The following IQSEC1 variants were observed in gnomAD, a reference collection of about 807,000 sequenced individuals.
IQSEC1 encodes IQ motif and Sec7 domain ArfGEF 1.
Under a neutral mutation model 91.0 loss-of-function variants are expected in IQSEC1, and 31 were observed. The ratio of observed to expected loss-of-function variants is 0.34; its 90% CI spans 0.26 to 0.46. The LOEUF (loss-of-function observed/expected upper bound fraction) is 0.46, where lower values mean the gene tolerates loss of function less well. Among genes scored for constraint, IQSEC1 ranks in the 20% least tolerant of loss-of-function variants. IQSEC1 has a pLI of 1.00. For missense variants in IQSEC1, 1,388 were observed against 1,575.6 expected, an observed-to-expected ratio of 0.88 and a Z score of 2.02; for synonymous variants, 699 against 662.6, an observed-to-expected ratio of 1.05 and a Z score of -0.84.
intron 2 of IQSEC1, among the ~76,000 whole-genome samples, chr3:13,127,657 G>C (rs1044441537): frequency 3.9e-5 from 6 of 152,048 alleles, no homozygotes; most frequent in African/African-American, 1.2e-4. Flanking sequence ...TGTATGTCTA[G>C]AGAGACAAAA....
intron 1 of IQSEC1, among the ~76,000 whole-genome samples, chr3:12,976,948 GA>G (rs35716136): frequency 0.85 from 129,895 of 152,058 alleles, 55,532 homozygotes; most frequent in East Asian, 0.99. Context: ...GGAAGGGCTG[GA>G]AAAATGGTTT....
At chr3:12,962,896 G>A (rs1326782683) in intron 1 of IQSEC1, among the ~76,000 whole-genome samples, 1 of 152,218 alleles carries the variant, frequency 6.6e-6, no homozygotes, top group Non-Finnish European at 1.5e-5. Context: ...GAACATGTTG[G>A]GAATCCTGAT....
intron 1 of IQSEC1, among the ~76,000 whole-genome samples, chr3:12,951,535 G>A (rs1699545467): frequency 6.6e-6 from 1 of 152,218 alleles, no homozygotes; most frequent in African/African-American, 2.4e-5. Context: ...AGGGGAGGCT[G>A]TTCTAGTGCC....
intron 2 of IQSEC1, among the ~76,000 whole-genome samples, chr3:13,128,027 T>C (rs1317977993): frequency 1.3e-5 from 2 of 152,254 alleles, no homozygotes; most frequent in Non-Finnish European, 2.9e-5. Flanking sequence ...TCCTGCTATT[T>C]TGCTGAATTC....
chr3:12,903,968 A>G (rs773386047), intron 12 of IQSEC1, among the ~76,000 whole-genome samples: 1 of 152,168 alleles, frequency 6.6e-6, no homozygotes, highest in Non-Finnish European at 1.5e-5. Flanking sequence ...CTAAGGCTGG[A>G]TAACTTGGCC....
chr3:13,082,360 G>A (rs756485534), intron 2 of IQSEC1, among the ~76,000 whole-genome samples: 18 of 152,248 alleles, frequency 1.2e-4, no homozygotes, highest in Non-Finnish European at 1.8e-4. Context: ...GGGCAGTTAA[G>A]CTTCTTCTGC....
intron 1 of IQSEC1, among the ~76,000 whole-genome samples, chr3:13,233,352 A>T (rs1304572899): frequency 6.6e-6 from 1 of 152,158 alleles, no homozygotes; most frequent in Non-Finnish European, 1.5e-5. Flanking sequence ...CTCCATCCTG[A>T]GGGGTCTGCA....
rs143424335 is a variant in IQSEC1, at chr3:13,207,990, A to T, written c.273-43857T>A. On this transcript the variant is annotated intron_variant, in intron 1 of 15. Coordinates refer to the IQSEC1 transcript ENST00000648114. This position sits in a 1 kb window ranked among gnomAD's most constrained non-coding sequence, Gnocchi z 4.8. ...TCAACAAATGCATCTTGAATGAACG[A>T]ATAAATCACTGTATGTTTCTATCAC... is the stretch of plus-strand genomic sequence containing the variant. Among the ~76,000 whole-genome samples the T allele has an allele frequency of 9.3e-4, 141 of 152,250 alleles. No homozygotes were observed. Among genetic ancestry groups the T allele is most frequent in the Non-Finnish European group, 1.9e-3 (127 of 68,022 alleles).
Position 13,103,646 on chromosome 3 carries a change from G to A in IQSEC1, c.303-56124C>T, listed in dbSNP as rs1382109007. ...GCAGGATGAGCTTCACATGCAGCAC[G>A]CACTGGGGGTCTGGCTGGCAGGGGA... On this transcript the variant is annotated intron_variant, in intron 2 of 15. Transcript: ENST00000648114. This position sits in a 1 kb window ranked among gnomAD's most constrained non-coding sequence, Gnocchi z 4.1. Among the ~76,000 whole-genome samples the A allele has an allele frequency of 2.6e-5, 4 of 152,260 alleles. No homozygotes were observed. The highest frequency in any genetic ancestry group is 1.9e-4 in the East Asian group (1 of 5,156).
At chr3:12,925,874 C>T (rs1185857799) in intron 3 of IQSEC1, among the ~76,000 whole-genome samples, 1 of 152,254 alleles carries the variant, frequency 6.6e-6, no homozygotes, top group Non-Finnish European at 1.5e-5. Context: ...CACACCAGCC[C>T]TGGGAGCAGG....
At chr3:13,230,729 A>C (rs1010391794) in intron 1 of IQSEC1, among the ~76,000 whole-genome samples, 2 of 152,266 alleles carry the variant, frequency 1.3e-5, no homozygotes, top group African/African-American at 4.8e-5. Flanking sequence ...TTGATCTGGA[A>C]GCAACAGTTT....
At chr3:13,046,369 C>T (rs1012599815) in intron 1 of IQSEC1, among the ~76,000 whole-genome samples, 1 of 152,210 alleles carries the variant, frequency 6.6e-6, no homozygotes, top group East Asian at 1.9e-4. Context: ...GGAGCGCACG[C>T]GGCGGGGCTG....
At chr3:13,060,041 G>A (rs753990117) in intron 1 of IQSEC1, among the ~76,000 whole-genome samples, 1 of 152,218 alleles carries the variant, frequency 6.6e-6, no homozygotes, top group Non-Finnish European at 1.5e-5. Context: ...GGGAACGACT[G>A]TGCTGAGTGC....
chr3:13,175,475 C>T (rs1693708655), intron 1 of IQSEC1, among the ~76,000 whole-genome samples: 1 of 152,178 alleles, frequency 6.6e-6, no homozygotes, highest in Non-Finnish European at 1.5e-5. Context: ...AGTTGAAGAA[C>T]ACAGGATCGC....
intron 1 of IQSEC1, among the ~76,000 whole-genome samples, chr3:12,971,723 C>T (rs1480424530): frequency 2.0e-5 from 3 of 151,922 alleles, no homozygotes; most frequent in Non-Finnish European, 4.4e-5. Context: ...CTGTACCCTC[C>T]TCCAACACCA....
chr3:13,258,273 A>T (rs766769244), intron 1 of IQSEC1, among the ~76,000 whole-genome samples: 1 of 152,252 alleles, frequency 6.6e-6, no homozygotes, highest in Non-Finnish European at 1.5e-5. Flanking sequence ...CAGGGACGGC[A>T]GGAGCATGGG....
At chr3:12,958,188 G>T (rs1030547062) in intron 1 of IQSEC1, among the ~76,000 whole-genome samples, 2 of 152,180 alleles carry the variant, frequency 1.3e-5, no homozygotes, top group Non-Finnish European at 2.9e-5. Context: ...CCTGCAGCAC[G>T]GCAGCTGCCA....
intron 1 of IQSEC1, among the ~76,000 whole-genome samples, chr3:12,984,462 C>G (rs565274041): frequency 3.0e-4 from 45 of 152,314 alleles, no homozygotes; most frequent in African/African-American, 1.1e-3. Context: ...TCATGCAGTG[C>G]ACAACCTGAG....
intron 1 of IQSEC1, among the ~76,000 whole-genome samples, chr3:13,267,198 A>C (rs993157819): frequency 6.6e-6 from 1 of 152,214 alleles, no homozygotes; most frequent in African/African-American, 2.4e-5. Context: ...TGAGGACAGC[A>C]AGAAGACACC....
Sources: gnomAD v4.1 joint callset for allele counts (sites outside exome capture counted in the v4.1 genomes callset) on GRCh38, gnomAD v4.1.1 for gene constraint, Gnocchi (gnomAD v3.1) non-coding constraint, MANE v1.5 for transcripts, NCBI Gene and HGNC (gene_info 2026-07-23, HGNC 2026-07-21) for gene names.